The following TRPM8 variants were observed in gnomAD, a reference collection of about 807,000 sequenced individuals.
The protein encoded by TRPM8 is TRPM8 cationic channel.
Under a neutral mutation model 133.7 loss-of-function variants are expected in TRPM8, and 110 were observed. The ratio of observed to expected loss-of-function variants is 0.82; its 90% CI spans 0.70 to 0.96. The LOEUF (loss-of-function observed/expected upper bound fraction) is 0.96. TRPM8 is among the 40% of genes least tolerant of loss of function. The pLI is 0.00. For missense variants in TRPM8, 1,291 were observed against 1,379.5 expected (o/e 0.94, Z 1.02); for synonymous variants, 535 against 532.3 (o/e 1.01, Z -0.07).
At chr2:234,007,995 C>A in intron 23 of TRPM8, 75 bp from the exon 24 acceptor site, 17 of 1,416,280 alleles carry the variant, frequency 1.2e-5, no homozygotes, top group Non-Finnish European at 1.7e-5. Context: ...TAAAAGACTG[C>A]AAAATGGAGC....
Position 233,946,002 on chromosome 2 carries a change from G to A in TRPM8, c.846G>A (p.Glu282=). 6.2e-7 allele frequency: 1 copy of A among 1,614,132 alleles called. No homozygotes were observed. The highest frequency in any genetic ancestry group is 1.3e-5 in the African/African-American group (1 of 75,042). ...AAGCAAAGCTCCGGAATCAGCTAGA[G>A]AAGTATATCTCTGAGCGCACTATTC... ...TVEAKLRNQL[E]KYISERTIQD... The change falls in exon 7 of 26, where the codon GAG becomes GAA. Residue 282 remains glutamate (E), a synonymous_variant. Coordinates refer to ENST00000324695, the MANE Select transcript of TRPM8 (RefSeq NM_024080.5).
At chr2:234,009,452 T>C (rs1262299599) in intron 24 of TRPM8, among the ~76,000 whole-genome samples, 2 of 152,132 alleles carry the variant, frequency 1.3e-5, no homozygotes, top group African/African-American at 4.8e-5. Flanking sequence ...CAACAGTGGA[T>C]GCAGGAAGAG....
intron 21 of TRPM8, among the ~76,000 whole-genome samples, chr2:233,987,113 G>C (rs1387782142): frequency 6.6e-6 from 1 of 152,178 alleles, no homozygotes; most frequent in African/African-American, 2.4e-5. Context: ...TCCTAAAGGT[G>C]TATGTACAAA....
intron 21 of TRPM8, among the ~76,000 whole-genome samples, chr2:233,988,088 C>T (rs1321816041): frequency 1.3e-5 from 2 of 151,828 alleles, no homozygotes; most frequent in African/African-American, 4.8e-5. Context: ...TTCAATATTT[C>T]CCTACAGCAT....
chr2:233,938,876 C>A, intron 4 of TRPM8, 122 bp from the exon 5 acceptor site: 6 of 1,118,712 alleles, frequency 5.4e-6, no homozygotes, highest in Non-Finnish European at 7.7e-6. Context: ...ATCCCTGCTG[C>A]CCCCACCCCG....
chr2:234,012,997 CT>C (rs1013349472), intron 24 of TRPM8, among the ~76,000 whole-genome samples: 9 of 152,094 alleles, frequency 5.9e-5, no homozygotes, highest in African/African-American at 2.2e-4. Context: ...TTCACGGATC[CT>C]TTTAATATGC....
At chr2:233,986,010 G>A in intron 21 of TRPM8, 145 bp downstream of exon 21, 2 of 751,048 alleles carry the variant, frequency 2.7e-6, no homozygotes, top group Non-Finnish European at 4.2e-6. Context: ...TGGAGGGAGT[G>A]GGGCCTTTTT....
In TRPM8 at chr2:233,983,044, C is replaced by G; in HGVS notation, c.2590-9C>G. 6.2e-7 allele frequency: 1 copy of G among 1,609,212 alleles called. No homozygotes were observed. The highest frequency in any genetic ancestry group is 8.5e-7 in the Non-Finnish European group (1 of 1,176,102). ...GTCCTGACTCCGCTCTCCTGTCCTC[C>G]CCTGACAGCTGATCGATGTGTTCTT... On this transcript the variant is annotated splice_polypyrimidine_tract_variant and intron_variant, in intron 19 of 25. Coordinates refer to ENST00000324695, the MANE Select transcript of TRPM8 (RefSeq NM_024080.5).
intron 22 of TRPM8, among the ~76,000 whole-genome samples, chr2:234,005,598 A>G (rs962921464): frequency 1.3e-5 from 2 of 152,294 alleles, no homozygotes; most frequent in African/African-American, 2.4e-5. Context: ...AAATAAATAC[A>G]TATTTGCTAT....
chr2:233,974,690 T>G (rs993977127), intron 17 of TRPM8, among the ~76,000 whole-genome samples: 1 of 152,052 alleles, frequency 6.6e-6, no homozygotes, highest in Non-Finnish European at 1.5e-5. Context: ...ATAGGCAGGA[T>G]CTTGAGCTCT....
At chr2:233,937,652 T>G in intron 4 of TRPM8, 143 bp downstream of exon 4, 1 of 1,045,532 alleles carries the variant, frequency 9.6e-7, no homozygotes, top group South Asian at 1.6e-5. Context: ...AAAAGATACA[T>G]CTTGTAAAAG....
chr2:233,943,067 C>CT (rs67315288), intron 6 of TRPM8: 22,636 of 177,976 alleles, frequency 0.13, 1,793 homozygotes, highest in African/African-American at 0.25. Flanking sequence ...ACTGCAGTAT[C>CT]TTTTTTTTTT....
intron 17 of TRPM8, among the ~76,000 whole-genome samples, chr2:233,978,198 AGTGTGT>A (rs59259744): frequency 0.29 from 42,266 of 145,952 alleles, 6,079 homozygotes; most frequent in Middle Eastern, 0.36. Context: ...GGAATATTAT[AGTGTGT>A]GTGTGTGTGT....
chr2:233,972,388 G>C (rs1226154396), intron 17 of TRPM8, among the ~76,000 whole-genome samples: 1 of 152,260 alleles, frequency 6.6e-6, no homozygotes, highest in Non-Finnish European at 1.5e-5. Flanking sequence ...ACCAGACTCA[G>C]GAGCCCAGCT....
chr2:233,952,472 T>C (rs1691192301), intron 9 of TRPM8, among the ~76,000 whole-genome samples: 1 of 151,158 alleles, frequency 6.6e-6, no homozygotes, highest in Admixed American at 6.6e-5. Flanking sequence ...GGGCTGGGGT[T>C]GTGGTGGTGG....
At chr2:233,977,341 C>T (rs1442357988) in intron 17 of TRPM8, among the ~76,000 whole-genome samples, 2 of 152,152 alleles carry the variant, frequency 1.3e-5, no homozygotes, top group Non-Finnish European at 2.9e-5. Flanking sequence ...ACAGCTTATC[C>T]CAGGCATTCT....
chr2:233,996,186 G>T, intron 21 of TRPM8, 140 bp from the exon 22 acceptor site: 1 of 603,194 alleles, frequency 1.7e-6, no homozygotes, highest in Non-Finnish European at 2.6e-6. Flanking sequence ...ATTTTGGCTC[G>T]TGTATCACTC....
At position 233,980,270 on chromosome 2, in the gene TRPM8, T is replaced by G; in HGVS notation, c.2438T>G (p.Ile813Ser). 1 of 1,595,092 alleles carries G rather than the reference T, an allele frequency of 6.3e-7. No individual in the cohort carries two copies. The highest frequency in any genetic ancestry group is 8.5e-7 in the Non-Finnish European group (1 of 1,174,176). ...TLGLFYFIAGIVFRLHSSNKS... is the reference protein window; with the variant it reads ...TLGLFYFIAGSVFRLHSSNKS... The stretch of plus-strand genomic sequence containing the variant: ...GGGCTTTTTTACTTCATAGCAGGAA[T>G]TGTATTTCGGTAAGTAGTCTCATCA... Residue 813 changes from isoleucine to serine, a missense_variant, in exon 18 of 26, where the codon ATT becomes AGT. Physicochemically the swap from Ile to Ser is moderately radical, Grantham distance 142. Around this residue, in one of 2 missense-constraint regions of TRPM8, gnomAD observed 328 missense variants for 410.6 expected, o/e 0.80. Transcript: ENST00000324695.
chr2:233,974,033 C>A (rs1691801672), intron 17 of TRPM8, among the ~76,000 whole-genome samples: 1 of 152,166 alleles, frequency 6.6e-6, no homozygotes, highest in Admixed American at 6.5e-5. Context: ...GACAGCATTC[C>A]CAGCTTAGCT....
Sources: gnomAD v4.1 joint callset for allele counts (sites outside exome capture counted in the v4.1 genomes callset) on GRCh38, gnomAD v4.1.1 for gene constraint, gnomAD v4.1.1 regional missense constraint, MANE v1.5 for transcripts, NCBI Gene and HGNC (gene_info 2026-07-23, HGNC 2026-07-21) for gene names.